The following VPS13D variants were observed in gnomAD, a reference collection of about 807,000 sequenced individuals.
The protein encoded by VPS13D is intermembrane lipid transfer protein VPS13D.
A neutral mutation model predicts 461.9 loss-of-function variants in VPS13D; 187 were observed. The observed-to-expected ratio is 0.40, with a 90% CI of 0.36 to 0.46. The LOEUF (loss-of-function observed/expected upper bound fraction) is 0.46, where lower values mean the gene tolerates loss of function less well. Ranked by LOEUF, VPS13D falls within the 20% of genes least tolerant of loss-of-function variation. The pLI is 0.60. For synonymous variants in VPS13D, 1,951 were observed against 1,986.3 expected (o/e 0.98, Z 0.47); for missense variants, 4,711 against 5,364.9 (o/e 0.88, Z 3.81).
At chr1:12,373,943 T>C in intron 55 of VPS13D, 85 bp downstream of exon 55, 1 of 1,053,516 alleles carries the variant, frequency 9.5e-7, no homozygotes. Flanking sequence ...GAGTCCTTAT[T>C]TCATGATGAG....
At chr1:12,230,883 AG>A (rs1449500836) in intron 1 of VPS13D, among the ~76,000 whole-genome samples, 1 of 150,168 alleles carries the variant, frequency 6.7e-6, no homozygotes, top group Non-Finnish European at 1.5e-5. Flanking sequence ...TGTCCCCTGG[AG>A]GGGGCTGAGG....
At chr1:12,295,620 T>C (rs1296621305) in intron 24 of VPS13D, among the ~76,000 whole-genome samples, 3 of 152,230 alleles carry the variant, frequency 2.0e-5, no homozygotes. Context: ...CTGAATTTGC[T>C]CATGGAATAT....
chr1:12,370,781 A>T (rs1333684630), intron 54 of VPS13D, among the ~76,000 whole-genome samples: 2 of 152,228 alleles, frequency 1.3e-5, no homozygotes, highest in Non-Finnish European at 2.9e-5. Flanking sequence ...GTTGTTAGTC[A>T]TGTTTTTCTC....
chr1:12,506,824 C>A, intron 68 of VPS13D, 29 bp from the exon 69 acceptor site: 1 of 1,606,150 alleles, frequency 6.2e-7, no homozygotes, highest in South Asian at 1.1e-5. Flanking sequence ...CCCCAGGTGT[C>A]ACTCCTGTGT....
chr1:12,265,212 G>T (rs1473394986), intron 13 of VPS13D, among the ~76,000 whole-genome samples: 1 of 152,180 alleles, frequency 6.6e-6, no homozygotes, highest in African/African-American at 2.4e-5. Context: ...AAAGAAATTA[G>T]TGTTGTTTTC....
intron 55 of VPS13D, among the ~76,000 whole-genome samples, chr1:12,376,561 A>G (rs1237101007): frequency 6.6e-6 from 1 of 152,226 alleles, no homozygotes; most frequent in Non-Finnish European, 1.5e-5. Context: ...AGATCAGGAA[A>G]CGGAGGCTCT....
rs1644833344 is a variant in VPS13D, at chr1:12,419,345, G to A, written c.12333+2518G>A. Among the ~76,000 whole-genome samples the A allele has an allele frequency of 1.3e-5, 2 of 152,196 alleles. 1 individual carries two copies. Among genetic ancestry groups the A allele is most frequent in the East Asian group, 3.8e-4 (2 of 5,200 alleles). ...TATTGGAGCCACAGGCTGCAGCTGA[G>A]GGGATTGCTATGTAATTTACAGGCA... On this transcript the variant is annotated intron_variant, in intron 65 of 69. Transcript: ENST00000620676.
chr1:12,382,829 G>T, intron 57 of VPS13D, 147 bp from the exon 58 acceptor site: 1 of 676,204 alleles, frequency 1.5e-6, no homozygotes, highest in East Asian at 2.6e-5. Flanking sequence ...CTGCAAAGCT[G>T]AACAAATAGT....
At chr1:12,431,933 G>A (rs1211023145) in intron 65 of VPS13D, among the ~76,000 whole-genome samples, 5 of 152,202 alleles carry the variant, frequency 3.3e-5, no homozygotes, top group East Asian at 1.9e-4. Context: ...GGGCAGTGGT[G>A]AGATGTAGTA....
intron 60 of VPS13D, among the ~76,000 whole-genome samples, chr1:12,391,853 T>A (rs1183678088): frequency 6.6e-6 from 1 of 152,154 alleles, no homozygotes; most frequent in East Asian, 1.9e-4. Context: ...AAAGATGTTT[T>A]GTGTTTTTTT....
At chr1:12,423,827 T>C (rs1159153921) in intron 65 of VPS13D, among the ~76,000 whole-genome samples, 1 of 152,216 alleles carries the variant, frequency 6.6e-6, no homozygotes, top group African/African-American at 2.4e-5. Context: ...GAAACAGCAT[T>C]TTTTGTTGTT....
In VPS13D at chr1:12,288,343, C is replaced by T. The variant is rs781112995; in HGVS notation, c.5725+30C>T. The T allele has an allele frequency of 1.9e-6, 3 of 1,589,540 alleles. No individual in the cohort carries two copies. In the South Asian group the frequency reaches 3.3e-5, roughly 18 times the overall value. On this transcript the variant is annotated intron_variant, in intron 22 of 69. Transcript: ENST00000620676. ...GTGGTGGGGGGTGGAGGGAAGCAAA[C>T]TTGCAAAATCTGGTCAGCATTTGAA... is the stretch of plus-strand genomic sequence containing the variant.
At chr1:12,261,263 T>C in intron 12 of VPS13D, 114 bp downstream of exon 12, 1 of 1,250,516 alleles carries the variant, frequency 8.0e-7, no homozygotes, top group South Asian at 1.4e-5. Context: ...ACAGTTTATG[T>C]TCATAGAGGC....
chr1:12,278,538 G>A (rs1641684895), intron 19 of VPS13D, among the ~76,000 whole-genome samples: 2 of 152,340 alleles, frequency 1.3e-5, no homozygotes, highest in South Asian at 4.1e-4. Flanking sequence ...GCCTCCCAAA[G>A]TGTTGGGATT....
intron 50 of VPS13D, among the ~76,000 whole-genome samples, chr1:12,361,549 C>T (rs1643949991): frequency 6.6e-6 from 1 of 150,686 alleles, no homozygotes; most frequent in African/African-American, 2.4e-5. Context: ...GCGCCCGCCA[C>T]TACGCCCGGC....
At chr1:12,247,019 G>A (rs1640572775) in intron 5 of VPS13D, among the ~76,000 whole-genome samples, 1 of 152,010 alleles carries the variant, frequency 6.6e-6, no homozygotes, top group Non-Finnish European at 1.5e-5. Flanking sequence ...GGAATTATGG[G>A]GTAACTCTGT....
chr1:12,277,063 A>G lies in VPS13D; in HGVS notation c.3475A>G (p.Thr1159Ala), dbSNP rs762486847. 9 of 1,614,082 alleles carry G rather than the reference A, an allele frequency of 5.6e-6. 1 individual carries two copies. The East Asian group carries it at 8.9e-5, about 16-fold the overall frequency. ...CAGAGAACAAGGAACTTACCAGTCT[A>G]CATATGAACAAAACACTGAGGTTGC... ...SFREQGTYQS[T>A]YEQNTEVAVE... is the part of the protein sequence containing the mutation. The change falls in exon 19 of 70, where the codon ACA becomes GCA. Residue 1159 changes from threonine (T) to alanine (A), a missense_variant. Physicochemically the swap from Thr to Ala is moderately conservative, Grantham distance 58. Around this residue, in one of 3 missense-constraint regions of VPS13D, gnomAD observed 4,411 missense variants for 4,937.8 expected, o/e 0.89. Transcript: ENST00000620676.
intron 5 of VPS13D, among the ~76,000 whole-genome samples, chr1:12,247,016 TG>T (rs145609326): frequency 0.029 from 4,485 of 152,272 alleles, 225 homozygotes; most frequent in African/African-American, 0.1. Flanking sequence ...TGAGGAATTA[TG>T]GGGTAACTCT....
rs1557689497 is a variant in VPS13D, at chr1:12,291,005, C to G, written c.5733C>G (p.Asp1911Glu). The change falls in exon 23 of 70, where the codon GAC (aspartate) becomes GAG (glutamate). Residue 1911 changes from aspartate to glutamate, a missense_variant. Physicochemically the swap from Asp to Glu is conservative, Grantham distance 45. Transcript: ENST00000620676. ...TAACTTTATCATCCCTAGAGGGAGA[C>G]CTGGCCTTACAGGGCAGCATTGGGA... ...LVAHLEMIEG[D>E]LALQGSIGSL... 1 of 1,609,516 alleles carries G rather than the reference C, an allele frequency of 6.2e-7. No homozygotes were observed. Among genetic ancestry groups the G allele is most frequent in the Non-Finnish European group, 8.5e-7 (1 of 1,178,740 alleles).
Sources: gnomAD v4.1 joint callset for allele counts (sites outside exome capture counted in the v4.1 genomes callset) on GRCh38, gnomAD v4.1.1 for gene constraint, gnomAD v4.1.1 regional missense constraint, MANE v1.5 for transcripts, NCBI Gene and HGNC (gene_info 2026-07-23, HGNC 2026-07-21) for gene names.